Variants in PFKFB3 observed in about 807,000 individuals in gnomAD.
The protein encoded by PFKFB3 is 6-phosphofructo-2-kinase/fructose-2,6-biphosphatase 3, also known as 6-phosphofructo-2-kinase/fructose-2,6-bisphosphatase 3.
Under a neutral mutation model 68.0 loss-of-function variants are expected in PFKFB3, and 33 were observed. That is an observed-to-expected ratio of 0.49 (90% CI 0.37 to 0.65). The LOEUF (loss-of-function observed/expected upper bound fraction) is 0.65. PFKFB3 is among the 30% of genes least tolerant of loss of function. The probability of loss-of-function intolerance (pLI) is 0.00; values close to 1 mark genes in which losing one functional copy is unlikely to be tolerated. For synonymous variants in PFKFB3, 315 were observed against 288.2 expected, an observed-to-expected ratio of 1.09 and a Z score of -0.94; for missense variants, 586 against 712.2, an observed-to-expected ratio of 0.82 and a Z score of 2.02.
At chr10:6,224,327 G>T (rs1015407651) in intron 13 of PFKFB3, 114 bp downstream of exon 13, 12 of 960,148 alleles carry the variant, frequency 1.2e-5, no homozygotes, top group Middle Eastern at 3.2e-4. Context: ...CCTGTCTGGG[G>T]CCATGGGCCT....
At chr10:6,196,844 G>A (rs1018662017) in intron 1 of PFKFB3, among the ~76,000 whole-genome samples, 4 of 152,002 alleles carry the variant, frequency 2.6e-5, no homozygotes, top group Admixed American at 2.6e-4. Flanking sequence ...GTCTTGCTAT[G>A]TTGCCCAGGC....
chr10:6,304,685 CT>C, the PFKFB3 span, among the ~76,000 whole-genome samples: 16,514 of 133,368 alleles, frequency 0.12, 990 homozygotes, highest in East Asian at 0.24. Flanking sequence ...ATATTAGGAA[CT>C]TTTTTTTTTT....
At chr10:6,204,141 G>C (rs562990781) in intron 1 of PFKFB3, among the ~76,000 whole-genome samples, 9 of 152,386 alleles carry the variant, frequency 5.9e-5, no homozygotes, top group Non-Finnish European at 1.0e-4. Flanking sequence ...CCCGCCACCA[G>C]CGATCGCTTG....
chr10:6,224,990 C>A (rs570597968), intron 13 of PFKFB3, among the ~76,000 whole-genome samples: 1 of 50,218 alleles, frequency 2.0e-5, no homozygotes, highest in African/African-American at 2.0e-4. Context: ...TGGGGGGTGG[C>A]GGGTGGGGAG....
At chr10:6,285,534 A>C in the PFKFB3 span, among the ~76,000 whole-genome samples, 1 of 152,090 alleles carries the variant, frequency 6.6e-6, no homozygotes, top group Non-Finnish European at 1.5e-5. Context: ...CGCCCAGCTC[A>C]ATCTCTTTAC....
chr10:6,219,809 G>A (rs1231091121), intron 7 of PFKFB3, 116 bp downstream of exon 7: 1 of 1,083,730 alleles, frequency 9.2e-7, no homozygotes, highest in Non-Finnish European at 1.3e-6. Flanking sequence ...TTTTAAGACA[G>A]TTTTTTTTGT....
Position 6,215,179 on chromosome 10 carries a change from C to T in PFKFB3, c.203-42C>T. The T allele has an allele frequency of 1.3e-6, 2 of 1,557,090 alleles. No individual in the cohort carries two copies. The highest frequency in any genetic ancestry group is 1.8e-6 in the Non-Finnish European group (2 of 1,128,830). On this transcript the variant is annotated intron_variant, in intron 2 of 14. Coordinates refer to ENST00000379775, the MANE Select transcript of PFKFB3 (RefSeq NM_004566.4). The surrounding 1 kb of genome is among the most constrained non-coding windows in gnomAD (Gnocchi z 4.3). Reference sequence around the variant, plus strand: ...GGTCCCGGTGTGAGCTGGCCCCTTCCTCCTGCTCGATCATCCAGACTGTTC... The same window carrying T: ...GGTCCCGGTGTGAGCTGGCCCCTTCTTCCTGCTCGATCATCCAGACTGTTC...
In PFKFB3 at chr10:6,190,914, G is replaced by A. The variant is rs1230577985; in HGVS notation, c.17-22709G>A. Among the ~76,000 whole-genome samples, 3 of 152,176 alleles carry A rather than the reference G, an allele frequency of 2.0e-5. No homozygotes were observed. In the East Asian group the frequency reaches 5.8e-4, roughly 29 times the overall value. On this transcript the variant is annotated intron_variant, in intron 1 of 14. Transcript: ENST00000379789. ...GTGCCTCAGCCTCCTGAGTAGCTGGGATTATAGGCGTCTGCCAACATGCCC... is the reference window on the plus strand; with the variant it reads ...GTGCCTCAGCCTCCTGAGTAGCTGGAATTATAGGCGTCTGCCAACATGCCC...
chr10:6,224,941 C>T (rs933328594), intron 13 of PFKFB3, among the ~76,000 whole-genome samples: 1 of 144,750 alleles, frequency 6.9e-6, no homozygotes, highest in Non-Finnish European at 1.5e-5. Context: ...CCACCAAGAA[C>T]ACGGTGTTGA....
At chr10:6,182,502 C>T (rs911634575) in intron 1 of PFKFB3, among the ~76,000 whole-genome samples, 2 of 152,202 alleles carry the variant, frequency 1.3e-5, no homozygotes, top group Admixed American at 6.5e-5. Context: ...CCTTTGAAGT[C>T]CCAGGCCGAT....
chr10:6,155,337 A>G (rs958606495), intron 1 of PFKFB3, among the ~76,000 whole-genome samples: 85 of 151,244 alleles, frequency 5.6e-4, no homozygotes, highest in South Asian at 3.3e-3. Context: ...CGAGTAGCTG[A>G]GACCACAGGC....
chr10:6,285,206 C>T, the PFKFB3 span, among the ~76,000 whole-genome samples: 1 of 151,826 alleles, frequency 6.6e-6, no homozygotes, highest in South Asian at 2.1e-4. Context: ...ATCAGCAATA[C>T]ACAAGTGCTA....
At chr10:6,166,267 T>TA (rs1040663000) in intron 1 of PFKFB3, among the ~76,000 whole-genome samples, 13 of 151,916 alleles carry the variant, frequency 8.6e-5, no homozygotes, top group African/African-American at 3.1e-4. Context: ...AGGTGTGAGC[T>TA]ACCGTGGTAG....
the PFKFB3 span, chr10:6,294,059 A>G: frequency 9.8e-6 from 5 of 510,416 alleles, no homozygotes; most frequent in Non-Finnish European, 2.0e-5. Flanking sequence ...TATAGTTCGT[A>G]CTGGAAGGTC....
At chr10:6,157,087 A>G (rs569562612) in intron 1 of PFKFB3, among the ~76,000 whole-genome samples, 27 of 151,448 alleles carry the variant, frequency 1.8e-4, no homozygotes, top group African/African-American at 6.0e-4. Context: ...GCGAGACTCC[A>G]TCTGAAAAAA....
downstream of PFKFB3, among the ~76,000 whole-genome samples, chr10:6,259,582 T>TCATC (rs111915905): frequency 0.81 from 109,898 of 135,238 alleles, 46,399 homozygotes; most frequent in Non-Finnish European, 0.94. Flanking sequence ...ATCCATCCAC[T>TCATC]CATCCATCCA....
At chr10:6,225,115 A>C (rs41306804) in intron 13 of PFKFB3, 1 of 456,124 alleles carries the variant, frequency 2.2e-6, no homozygotes, top group Non-Finnish European at 4.4e-6. Flanking sequence ...GCCTCTGCTC[A>C]GGTGGACGCG....
chr10:6,213,516 C>G (rs1405814911), intron 1 of PFKFB3, 107 bp from the exon 2 acceptor site: 2 of 1,379,370 alleles, frequency 1.4e-6, no homozygotes, highest in African/African-American at 1.4e-5. Context: ...GACCCTGTCT[C>G]AAAAACATTT....
At chr10:6,244,642 G>A (rs1323054740) in intron 14 of PFKFB3, among the ~76,000 whole-genome samples, 2 of 151,942 alleles carry the variant, frequency 1.3e-5, no homozygotes, top group African/African-American at 2.4e-5. Flanking sequence ...AGATTAGACC[G>A]AGACAAGTAA....
Sources: allele counts gnomAD v4.1 joint callset (sites outside exome capture counted in the v4.1 genomes callset), GRCh38; gene constraint gnomAD v4.1.1; non-coding constraint Gnocchi (gnomAD v3.1); transcripts MANE v1.5; gene names NCBI Gene and HGNC (gene_info 2026-07-23, HGNC 2026-07-21).